Variants in CFAP119 observed in about 807,000 individuals in gnomAD.
CFAP119 encodes the protein cilia and flagella associated protein 119.
chr16:30,760,906 T>C, the CFAP119 span: 16 of 614,944 alleles, frequency 2.6e-5, no homozygotes, highest in Non-Finnish European at 4.3e-5. Flanking sequence ...TGCCACTACC[T>C]TGTATGACCT....
At chr16:30,760,473 T>G in the CFAP119 span, 1 of 1,612,428 alleles carries the variant, frequency 6.2e-7, no homozygotes, top group East Asian at 2.2e-5. Context: ...GAGAGAGGAG[T>G]GAGTGACAAC....
chr16:30,761,190 A>G, the CFAP119 span: 1 of 1,613,860 alleles, frequency 6.2e-7, no homozygotes, highest in Admixed American at 1.7e-5. Flanking sequence ...TTGTCTCTTC[A>G]CACTCACCAC....
At chr16:30,760,146 A>G in the CFAP119 span, 1 of 1,572,680 alleles carries the variant, frequency 6.4e-7, no homozygotes, top group Non-Finnish European at 8.6e-7. Flanking sequence ...TGGAAAGCTG[A>G]TGGCTTGTGT....
the CFAP119 span, chr16:30,760,588 G>T: frequency 6.4e-7 from 1 of 1,560,832 alleles, no homozygotes; most frequent in Non-Finnish European, 8.7e-7. Flanking sequence ...CTCTTCCCAC[G>T]CCCCCCTCAG....
At chr16:30,760,454 C>T in the CFAP119 span, 2 of 1,613,984 alleles carry the variant, frequency 1.2e-6, no homozygotes, top group South Asian at 1.1e-5. Flanking sequence ...AGCCAGCACC[C>T]TTGGGAGGGA....
the CFAP119 span, chr16:30,761,650 G>A: frequency 6.5e-7 from 1 of 1,535,968 alleles, no homozygotes; most frequent in Non-Finnish European, 8.7e-7. Flanking sequence ...CATGCACTGA[G>A]CTGCGATCCT....
the CFAP119 span, chr16:30,760,971 C>G: frequency 1.6e-6 from 1 of 613,362 alleles, no homozygotes; most frequent in African/African-American, 1.8e-5. Context: ...TACTCCTTAG[C>G]GGCCATGAGA....
At chr16:30,758,435 T>C in the CFAP119 span, 6 of 157,016 alleles carry the variant, frequency 3.8e-5, no homozygotes, top group African/African-American at 1.4e-4. Flanking sequence ...GTTTGCTACG[T>C]AGGTATACAT....
the CFAP119 span, chr16:30,757,747 C>T: frequency 1.3e-6 from 2 of 1,490,004 alleles, no homozygotes; most frequent in Non-Finnish European, 1.8e-6. Flanking sequence ...CCCCAAATTT[C>T]CCCTGGTGGG....
the CFAP119 span, chr16:30,760,130 G>C: frequency 6.4e-7 from 1 of 1,556,558 alleles, no homozygotes; most frequent in Non-Finnish European, 8.6e-7. Flanking sequence ...TAAGGAAGCA[G>C]TGGATTGGAA....
the CFAP119 span, chr16:30,761,879 G>T: frequency 1.1e-6 from 1 of 896,752 alleles, no homozygotes; most frequent in Non-Finnish European, 1.6e-6. Context: ...GCGCGGAGAG[G>T]CGCGGCGGGG....
the CFAP119 span, chr16:30,760,488 C>T: frequency 6.2e-7 from 1 of 1,612,528 alleles, no homozygotes; most frequent in Admixed American, 1.7e-5. Flanking sequence ...GACAACTGGG[C>T]CTCCTTTCAT....
At chr16:30,761,339 A>T in the CFAP119 span, 7 of 1,518,924 alleles carry the variant, frequency 4.6e-6, no homozygotes, top group Non-Finnish European at 6.4e-6. Flanking sequence ...TCAAGGACTA[A>T]GGAGAGGCGC....
At chr16:30,758,855 T>C in the CFAP119 span, 1 of 1,288,306 alleles carries the variant, frequency 7.8e-7, no homozygotes, top group East Asian at 2.4e-5. Flanking sequence ...GGCCTGCAGC[T>C]GTGCTTTTAT....
chr16:30,759,499 G>A, the CFAP119 span: 14 of 1,614,056 alleles, frequency 8.7e-6, no homozygotes, highest in Admixed American at 1.8e-4. Flanking sequence ...ACTACCTTCC[G>A]GAGCCCTGGC....
At chr16:30,759,674 G>A in the CFAP119 span, 1 of 1,613,844 alleles carries the variant, frequency 6.2e-7, no homozygotes, top group African/African-American at 1.3e-5. Flanking sequence ...TGGCAAAAAA[G>A]GACACTGGTG....
the CFAP119 span, chr16:30,761,183 T>A: frequency 1.2e-6 from 2 of 1,613,406 alleles, no homozygotes; most frequent in Non-Finnish European, 1.7e-6. Flanking sequence ...GTAATTTTTG[T>A]CTCTTCACAC....
chr16:30,759,297 G>A, the CFAP119 span: 1 of 1,613,028 alleles, frequency 6.2e-7, no homozygotes, highest in Non-Finnish European at 8.5e-7. Context: ...TGTGCTGAGG[G>A]GAGGGGCGGT....
the CFAP119 span, chr16:30,759,699 C>T: frequency 6.8e-6 from 11 of 1,613,282 alleles, no homozygotes; most frequent in Non-Finnish European, 9.3e-6. Context: ...AGCGGTAGCA[C>T]TCCTCCACGT....
Sources: allele counts gnomAD v4.1 joint callset, GRCh38; gene constraint gnomAD v4.1.1; transcripts MANE v1.5; gene names NCBI Gene and HGNC (gene_info 2026-07-23, HGNC 2026-07-21).